Variants in TFEC observed in about 807,000 individuals in gnomAD.
TFEC encodes the protein transcription factor EC, also known as class E basic helix-loop-helix protein 34.
In TFEC, 31 loss-of-function variants were observed where a neutral mutation model predicts 41.6. The observed-to-expected ratio is 0.74, with a 90% CI of 0.56 to 1.01. The LOEUF (loss-of-function observed/expected upper bound fraction) is 1.01. Among genes scored for constraint, TFEC ranks in the 50% least tolerant of loss-of-function variants. The probability of loss-of-function intolerance (pLI) is 0.00; values close to 1 mark genes in which losing one functional copy is unlikely to be tolerated. For synonymous variants in TFEC, 143 were observed against 140.6 expected, an observed-to-expected ratio of 1.02 and a Z score of -0.12; for missense variants, 402 against 404.1, an observed-to-expected ratio of 0.99 and a Z score of 0.04.
chr7:116,036,733 C>A (rs1350129507), intron 3 of TFEC, among the ~76,000 whole-genome samples: 1 of 151,896 alleles, frequency 6.6e-6, no homozygotes, highest in African/African-American at 2.4e-5. Context: ...AGATAAATTA[C>A]CCATGGTTTA....
intron 3 of TFEC, among the ~76,000 whole-genome samples, chr7:116,075,928 C>T (rs1039126034): frequency 2.6e-5 from 4 of 152,182 alleles, no homozygotes; most frequent in African/African-American, 9.7e-5. Context: ...AGCTAATGCG[C>T]TCTTGAAAGT....
intron 1 of TFEC, among the ~76,000 whole-genome samples, chr7:116,127,431 T>C (rs1484822411): frequency 1.3e-5 from 2 of 152,210 alleles, no homozygotes. Context: ...GTTTAGTTGA[T>C]GAGAATAATT....
intron 2 of TFEC, among the ~76,000 whole-genome samples, chr7:115,977,812 G>A (rs565860235): frequency 6.6e-6 from 1 of 151,764 alleles, no homozygotes. Flanking sequence ...AATTCAGAAA[G>A]GTGGGTGACA....
intron 5 of TFEC, 121 bp downstream of exon 5, chr7:115,954,465 T>A (rs758099762): frequency 1.7e-6 from 1 of 603,610 alleles, no homozygotes; most frequent in African/African-American, 1.9e-5. Context: ...TCAAGTTATA[T>A]GTGCAATTAA....
chr7:115,992,491 T>A lies in TFEC; in HGVS notation c.-72-7978A>T, dbSNP rs186146606. Among the ~76,000 whole-genome samples the A allele has an allele frequency of 4.5e-4, 68 of 151,948 alleles. 1 individual carries two copies. The East Asian group carries it at 0.01, about 23-fold the overall frequency. On this transcript the variant is annotated intron_variant, in intron 1 of 7. Transcript: ENST00000265440. ...TGTTACAGAAGAAAAGACAGAAGAATCAAATAGATGCAATAAAAAATAATA... is the reference window on the plus strand; with the variant it reads ...TGTTACAGAAGAAAAGACAGAAGAAACAAATAGATGCAATAAAAAATAATA...
At chr7:116,133,178 A>G (rs1221812483) in intron 1 of TFEC, among the ~76,000 whole-genome samples, 1 of 152,216 alleles carries the variant, frequency 6.6e-6, no homozygotes, top group Non-Finnish European at 1.5e-5. Flanking sequence ...TGTTTACCTC[A>G]CAATACCTTA....
chr7:116,155,991 A>G (rs1029549704), intron 1 of TFEC, among the ~76,000 whole-genome samples: 4 of 152,136 alleles, frequency 2.6e-5, no homozygotes, highest in African/African-American at 9.7e-5. Context: ...GCATTAATAT[A>G]TTATTTATCT....
At chr7:116,150,055 T>C (rs1429917937) in intron 1 of TFEC, among the ~76,000 whole-genome samples, 1 of 139,140 alleles carries the variant, frequency 7.2e-6, no homozygotes, top group Non-Finnish European at 1.6e-5. Flanking sequence ...AATTCTGAAA[T>C]TGAGAAGTTT....
intron 1 of TFEC, among the ~76,000 whole-genome samples, chr7:116,138,983 C>CT (rs1798487586): frequency 6.6e-6 from 1 of 152,064 alleles, no homozygotes; most frequent in African/African-American, 2.4e-5. Context: ...AAAATGCTGT[C>CT]TTTTTTCCCC....
intron 1 of TFEC, among the ~76,000 whole-genome samples, chr7:115,999,709 C>T (rs901986059): frequency 1.3e-5 from 2 of 151,714 alleles, no homozygotes; most frequent in African/African-American, 4.8e-5. Context: ...CAAGTATATG[C>T]CAATAAATTG....
chr7:116,037,444 T>A (rs1795936490), intron 3 of TFEC, among the ~76,000 whole-genome samples: 1 of 151,976 alleles, frequency 6.6e-6, no homozygotes, highest in Non-Finnish European at 1.5e-5. Flanking sequence ...TAGAACTGGA[T>A]TTTTTATGCT....
Position 116,046,692 on chromosome 7 carries a change from C to T in TFEC, c.199-62179G>A, listed in dbSNP as rs78139615. Among the ~76,000 whole-genome samples, 61 of 152,258 alleles carry T rather than the reference C, an allele frequency of 4.0e-4. No individual in the cohort carries two copies. In the East Asian group the frequency reaches 9.5e-3, roughly 24 times the overall value. On this transcript the variant is annotated intron_variant, in intron 3 of 8. Coordinates refer to the TFEC transcript ENST00000484212. ...CGTGATGCTTTATACTTGTTTTATA[C>T]CGTAAGTTCTAAGAAGGCAGGAACT...
intron 3 of TFEC, among the ~76,000 whole-genome samples, chr7:116,051,613 A>G (rs942884202): frequency 1.3e-5 from 2 of 152,214 alleles, no homozygotes; most frequent in African/African-American, 4.8e-5. Context: ...TAAACATTTT[A>G]TAATTTATAT....
At chr7:116,012,814 G>T (rs1367741422) in intron 1 of TFEC, among the ~76,000 whole-genome samples, 1 of 110,434 alleles carries the variant, frequency 9.1e-6, no homozygotes, top group Non-Finnish European at 1.8e-5. Context: ...GGATTATAAA[G>T]ATTTATTTCT....
rs2130247214 is a variant in TFEC at position 115,944,705 on chromosome 7, A to G, written c.516-2665T>C. 1.3e-5 allele frequency among the ~76,000 whole-genome samples: 2 copies of G among 151,684 alleles called. 1 individual carries two copies. Among genetic ancestry groups the G allele is most frequent in the East Asian group, 3.9e-4 (2 of 5,114 alleles). On this transcript the variant is annotated intron_variant, in intron 6 of 7. Transcript: ENST00000265440. ...ATTGCTGCTATATGCCCAAGAGTATATGGTGTTTAGGAGATAAGCCCCAGG... is the reference window on the plus strand; with the variant it reads ...ATTGCTGCTATATGCCCAAGAGTATGTGGTGTTTAGGAGATAAGCCCCAGG...
In TFEC at chr7:115,938,571, C is replaced by T. The variant is rs142038563; in HGVS notation, c.*1980G>A. On this transcript the variant is annotated 3_prime_UTR_variant, in exon 8 of 8. Coordinates refer to ENST00000265440, the MANE Select transcript of TFEC (RefSeq NM_012252.4). ...TTATTTTAATTCTCCAAATTCTGAG[C>T]AAATGATACAAGCTAAGCCTGAGAT... 6.6e-6 allele frequency: 1 copy of T among 151,718 alleles called. No homozygotes were observed. The highest frequency in any genetic ancestry group is 2.4e-5 in the African/African-American group (1 of 41,338). 9.4% of individuals were successfully genotyped at this position (151,718 alleles called of 1,614,324 possible). A position where few individuals can be genotyped will look rare whatever the true frequency, so the allele number is the denominator to read the frequency against.
intron 1 of TFEC, among the ~76,000 whole-genome samples, chr7:115,993,656 C>T (rs996852619): frequency 9.2e-5 from 14 of 151,976 alleles, no homozygotes; most frequent in African/African-American, 1.2e-4. Context: ...ACAAGTGTTG[C>T]GAAGGACCTC....
chr7:116,037,414 C>T (rs1433519657), intron 3 of TFEC, among the ~76,000 whole-genome samples: 1 of 151,914 alleles, frequency 6.6e-6, no homozygotes, highest in African/African-American at 2.4e-5. Flanking sequence ...ATATAGAAAA[C>T]GAAATCAGAC....
At chr7:115,982,410 G>C (rs1056559134) in intron 2 of TFEC, among the ~76,000 whole-genome samples, 7 of 152,312 alleles carry the variant, frequency 4.6e-5, no homozygotes, top group South Asian at 2.1e-4. Flanking sequence ...TCTGCCTTGA[G>C]TCAGACTCCA....
Sources: gnomAD v4.1 joint callset for allele counts (sites outside exome capture counted in the v4.1 genomes callset) on GRCh38, gnomAD v4.1.1 for gene constraint, MANE v1.5 for transcripts, NCBI Gene and HGNC (gene_info 2026-07-23, HGNC 2026-07-21) for gene names.